The following ZBTB44 variants were observed in gnomAD, a reference collection of about 807,000 sequenced individuals.
The protein encoded by ZBTB44 is zinc finger and BTB domain containing 44, also known as zinc finger and BTB domain-containing protein 44.
A neutral mutation model predicts 54.0 loss-of-function variants in ZBTB44; 15 were observed. That is an observed-to-expected ratio of 0.28 (90% confidence interval 0.19 to 0.43). The LOEUF is 0.43. ZBTB44 is among the 20% of genes least tolerant of loss of function. ZBTB44 has a pLI of 1.00. For missense variants in ZBTB44, 487 were observed against 707.1 expected (o/e 0.69, Z 3.53); for synonymous variants, 230 against 250.1 (o/e 0.92, Z 0.76).
chr11:130,310,481 A>T (rs933969343), intron 1 of ZBTB44: 4 of 152,120 alleles, frequency 2.6e-5, no homozygotes, highest in African/African-American at 9.7e-5. Context: ...GTCTTTAAAA[A>T]AAAAAAAAAG....
In ZBTB44 at chr11:130,228,185, A is replaced by G. The variant is rs1247665793; in HGVS notation, c.*3579T>C. On this transcript the variant is annotated 3_prime_UTR_variant, in exon 8 of 8. Coordinates refer to ENST00000357899, the MANE Select transcript of ZBTB44 (RefSeq NM_001301098.2). Reference sequence around the variant, plus strand: ...AGTAAACAACAGAAACATTAAATACATTATTGGGAACTTGGACCAAAACCA... The same window carrying G: ...AGTAAACAACAGAAACATTAAATACGTTATTGGGAACTTGGACCAAAACCA... 2.0e-5 allele frequency: 3 copies of G among 152,198 alleles called. No homozygotes were observed. Among genetic ancestry groups the G allele is most frequent in the African/African-American group, 4.8e-5 (2 of 41,448 alleles). 9.4% of individuals were successfully genotyped at this position (152,198 alleles called of 1,614,324 possible).
intron 3 of ZBTB44, 32 bp downstream of exon 3, chr11:130,239,780 A>T: frequency 6.4e-7 from 1 of 1,567,894 alleles, no homozygotes; most frequent in South Asian, 1.1e-5. Context: ...CACAACCCTT[A>T]AGAGGTAACG....
chr11:130,271,959 G>A (rs1197058985), intron 1 of ZBTB44, among the ~76,000 whole-genome samples: 3 of 151,978 alleles, frequency 2.0e-5, no homozygotes, highest in East Asian at 1.9e-4. Flanking sequence ...GGCTGGATGC[G>A]GTGGTTCACA....
At chr11:130,306,501 C>CAAAA (rs569135269) in intron 1 of ZBTB44, among the ~76,000 whole-genome samples, 1 of 137,086 alleles carries the variant, frequency 7.3e-6, no homozygotes, top group African/African-American at 2.7e-5. Flanking sequence ...AAACTCCACT[C>CAAAA]AAAAAAAAAA....
intron 1 of ZBTB44, among the ~76,000 whole-genome samples, chr11:130,267,097 C>G (rs1020775568): frequency 1.8e-4 from 28 of 152,146 alleles, no homozygotes; most frequent in African/African-American, 6.3e-4. Flanking sequence ...AACACCATCT[C>G]TACAAAAAAT....
chr11:130,310,956 T>C (rs559182112), intron 1 of ZBTB44, among the ~76,000 whole-genome samples: 2 of 152,208 alleles, frequency 1.3e-5, no homozygotes, highest in Non-Finnish European at 2.9e-5. Flanking sequence ...GTACATACTT[T>C]ACATATTCAA....
intron 1 of ZBTB44, among the ~76,000 whole-genome samples, chr11:130,267,647 C>A (rs1297550379): frequency 1.3e-5 from 2 of 152,026 alleles, no homozygotes; most frequent in Non-Finnish European, 2.9e-5. Context: ...GAACTCCTGG[C>A]CTCAGCATTG....
intron 1 of ZBTB44, among the ~76,000 whole-genome samples, chr11:130,269,859 G>T (rs183113951): frequency 2.0e-5 from 3 of 152,106 alleles, no homozygotes; most frequent in Admixed American, 2.0e-4. Flanking sequence ...GATTAAATTA[G>T]CACAATTCCT....
rs370776155 is a variant in ZBTB44 at position 130,267,563 on chromosome 11, C to A, written c.-56-5634G>T. Among the ~76,000 whole-genome samples the A allele has an allele frequency of 4.0e-5, 6 of 151,786 alleles. No homozygotes were observed. In the East Asian group the frequency reaches 9.9e-4, roughly 25 times the overall value. ...TAGGACTATGGTGTGTATCACCACG[C>A]CTGGCTAATTTTTAAATTTTTTTAT... On this transcript the variant is annotated intron_variant, in intron 1 of 7. Coordinates refer to ENST00000357899, the MANE Select transcript of ZBTB44 (RefSeq NM_001301098.2).
rs113216312 is a variant in ZBTB44 at position 130,300,334 on chromosome 11, C to CCACA, written c.-57+14037_-57+14040dup. Reference sequence around the variant, plus strand: ...CAAATTTTATGTTACGTGTATTTCACCACACACACACACACACAAATCAAT... The same window carrying CCACA: ...CAAATTTTATGTTACGTGTATTTCACCACACACACACACACACACACAAATCAAT... On this transcript the variant is annotated intron_variant, in intron 1 of 7. Coordinates refer to ENST00000357899, the MANE Select transcript of ZBTB44 (RefSeq NM_001301098.2). Among the ~76,000 whole-genome samples, 237 of 150,606 alleles carry CCACA rather than the reference C, an allele frequency of 1.6e-3. 1 individual carries two copies. Among genetic ancestry groups the CCACA allele is most frequent in the African/African-American group, 5.6e-3 (230 of 41,094 alleles).
At position 130,229,752 on chromosome 11, in the gene ZBTB44, C is replaced by T. The variant is rs1009445575; in HGVS notation, c.*2012G>A. ...TATACATTCATCTCTCAATAACTTT[C>T]AAAATCTAAATATATTACAAATAAA... is the stretch of plus-strand genomic sequence containing the variant. On this transcript the variant is annotated 3_prime_UTR_variant, in exon 8 of 8. Transcript: ENST00000357899. 10 of 152,136 alleles carry T rather than the reference C, an allele frequency of 6.6e-5. No individual in the cohort carries two copies. The highest frequency in any genetic ancestry group is 2.6e-4 in the Admixed American group (4 of 15,266). 9.4% of individuals were successfully genotyped at this position (152,136 alleles called of 1,614,324 possible).
At chr11:130,245,663 T>C (rs1159003995) in intron 2 of ZBTB44, among the ~76,000 whole-genome samples, 1 of 151,988 alleles carries the variant, frequency 6.6e-6, no homozygotes. Context: ...CTTCTCACTA[T>C]CAGGTTGTGA....
intron 1 of ZBTB44, among the ~76,000 whole-genome samples, chr11:130,313,568 T>C: frequency 6.6e-6 from 1 of 152,166 alleles, no homozygotes; most frequent in East Asian, 1.9e-4. Context: ...GAAATCAAAA[T>C]CGTGCAGCTT....
intron 2 of ZBTB44, among the ~76,000 whole-genome samples, chr11:130,255,531 A>C (rs1194021475): frequency 6.6e-6 from 1 of 152,200 alleles, no homozygotes; most frequent in African/African-American, 2.4e-5. Flanking sequence ...AAAAGCTAGC[A>C]GAAGACAAGA....
intron 1 of ZBTB44, among the ~76,000 whole-genome samples, chr11:130,302,342 T>G (rs938504948): frequency 6.6e-6 from 1 of 152,034 alleles, no homozygotes; most frequent in African/African-American, 2.4e-5. Context: ...CAAAGTGAAG[T>G]TAGGTAAAAC....
At chr11:130,234,026 G>A in intron 6 of ZBTB44, 130 bp downstream of exon 6, 1 of 1,523,816 alleles carries the variant, frequency 6.6e-7, no homozygotes, top group Non-Finnish European at 8.8e-7. Context: ...TCTGATTTTG[G>A]GGGGTCATCT....
chr11:130,236,322 T>C, intron 5 of ZBTB44: 1 of 1,099,006 alleles, frequency 9.1e-7, no homozygotes, highest in Non-Finnish European at 1.2e-6. Flanking sequence ...TCACACCCAC[T>C]ATAGTTGCCT....
rs189557479 is a variant in ZBTB44, at chr11:130,294,343, C to T, written c.-57+20032G>A. ...ACAAGAATTGCTTGAACCTGGGGGG[C>T]AGAAGTTGCAGTGAGCTGAGATCAC... On this transcript the variant is annotated intron_variant, in intron 1 of 7. Coordinates refer to ENST00000357899, the MANE Select transcript of ZBTB44 (RefSeq NM_001301098.2). 1.1e-4 allele frequency among the ~76,000 whole-genome samples: 17 copies of T among 151,860 alleles called. No homozygotes were observed. In the East Asian group the frequency reaches 3.3e-3, roughly 29 times the overall value.
intron 1 of ZBTB44, among the ~76,000 whole-genome samples, chr11:130,276,116 C>G (rs1404815279): frequency 6.6e-6 from 1 of 150,976 alleles, no homozygotes; most frequent in African/African-American, 2.4e-5. Context: ...ATCCCAGTGA[C>G]TGGGGAAGCT....
Sources: allele counts gnomAD v4.1 joint callset (sites outside exome capture counted in the v4.1 genomes callset), GRCh38; gene constraint gnomAD v4.1.1; transcripts MANE v1.5; gene names NCBI Gene and HGNC (gene_info 2026-07-23, HGNC 2026-07-21).